Variants in RNF144A observed in about 807,000 individuals in gnomAD.
The protein encoded by RNF144A is ring finger protein 144A.
Under a neutral mutation model 38.7 loss-of-function variants are expected in RNF144A, and 11 were observed. The observed-to-expected ratio is 0.28, with a 90% CI of 0.18 to 0.47. The LOEUF is 0.47. Ranked by LOEUF, RNF144A falls within the 20% of genes least tolerant of loss-of-function variation. RNF144A has a pLI of 0.99. For synonymous variants in RNF144A, 149 were observed against 143.9 expected (o/e 1.04, Z -0.25); for missense variants, 316 against 377.2 (o/e 0.84, Z 1.34).
chr2:6,996,406 G>A (rs1483049386), intron 2 of RNF144A, among the ~76,000 whole-genome samples: 2 of 152,186 alleles, frequency 1.3e-5, no homozygotes, highest in African/African-American at 2.4e-5. Context: ...GTGTGTGGGT[G>A]AGTTGTTTGC....
chr2:7,029,807 C>T (rs1237704944), intron 7 of RNF144A, among the ~76,000 whole-genome samples: 1 of 152,194 alleles, frequency 6.6e-6, no homozygotes, highest in East Asian at 1.9e-4. Context: ...CCTTCTTTCC[C>T]ACAAGCTCAG....
chr2:7,066,330 G>A (rs541016339), intron 6 of RNF144A, among the ~76,000 whole-genome samples: 138 of 152,076 alleles, frequency 9.1e-4, no homozygotes, highest in Non-Finnish European at 1.7e-3. Context: ...CTCGTGATCT[G>A]CCCACCTCAG....
intron 6 of RNF144A, among the ~76,000 whole-genome samples, chr2:7,060,767 T>C (rs893312034): frequency 6.6e-6 from 1 of 152,222 alleles, no homozygotes; most frequent in Non-Finnish European, 1.5e-5. Flanking sequence ...CCATCTTACA[T>C]AGAGCCTTTC....
intron 1 of RNF144A, chr2:6,918,588 C>T (rs999011006): frequency 2.6e-5 from 4 of 151,072 alleles, no homozygotes; most frequent in African/African-American, 9.7e-5. Flanking sequence ...CACGGTGAAA[C>T]CCCCTCTCTA....
At chr2:7,022,813 G>A (rs531665675) in intron 6 of RNF144A, among the ~76,000 whole-genome samples, 2 of 152,190 alleles carry the variant, frequency 1.3e-5, no homozygotes, top group Non-Finnish European at 2.9e-5. Flanking sequence ...GGAGACATTT[G>A]CACATATGCT....
intron 1 of RNF144A, among the ~76,000 whole-genome samples, chr2:6,940,336 TTA>T (rs1321324866): frequency 6.6e-6 from 1 of 152,212 alleles, no homozygotes; most frequent in Non-Finnish European, 1.5e-5. Flanking sequence ...CTATTCTAAA[TTA>T]TGTTTCTTAT....
chr2:7,006,439 C>T (rs1332358576), intron 3 of RNF144A, among the ~76,000 whole-genome samples: 1 of 152,112 alleles, frequency 6.6e-6, no homozygotes, highest in Non-Finnish European at 1.5e-5. Context: ...GGTGTGTCAC[C>T]AGGACCTGTG....
intron 2 of RNF144A, among the ~76,000 whole-genome samples, chr2:6,970,122 G>A (rs1362360221): frequency 6.6e-6 from 1 of 152,186 alleles, no homozygotes; most frequent in African/African-American, 2.4e-5. Context: ...GAGCAAAAGT[G>A]AATTTCATGT....
downstream of RNF144A, among the ~76,000 whole-genome samples, chr2:7,046,021 G>T (rs1673295782): frequency 6.6e-6 from 1 of 152,240 alleles, no homozygotes; most frequent in Non-Finnish European, 1.5e-5. Context: ...TGCCAGCAAA[G>T]AGTCTTATCA....
rs889223532 is a variant in RNF144A, at chr2:6,943,887, C to T, written c.-12+2740C>T. 6.6e-6 allele frequency among the ~76,000 whole-genome samples: 1 copy of T among 152,140 alleles called. No individual in the cohort carries two copies. Among genetic ancestry groups the T allele is most frequent in the Non-Finnish European group, 1.5e-5 (1 of 68,032 alleles). On this transcript the variant is annotated intron_variant, in intron 2 of 8. Coordinates refer to ENST00000320892, the MANE Select transcript of RNF144A (RefSeq NM_014746.6). This position sits in a 1 kb window ranked among gnomAD's most constrained non-coding sequence, Gnocchi z 4.3. Reference sequence around the variant, plus strand: ...CCTCTAGAGAGATGGAGGTGCAGAGCGGTCACCTGAAGCATTCACAGCCCA... The same window carrying T: ...CCTCTAGAGAGATGGAGGTGCAGAGTGGTCACCTGAAGCATTCACAGCCCA...
chr2:6,939,055 G>T (rs1034107922), intron 1 of RNF144A, among the ~76,000 whole-genome samples: 1 of 152,022 alleles, frequency 6.6e-6, no homozygotes. Context: ...TCCTGTATAG[G>T]TTTTATTGTG....
chr2:6,939,183 C>T (rs1290567337), intron 1 of RNF144A, among the ~76,000 whole-genome samples: 1 of 152,208 alleles, frequency 6.6e-6, no homozygotes, highest in African/African-American at 2.4e-5. Flanking sequence ...GCAGCTGCAC[C>T]ACTTTACATT....
At chr2:7,029,552 T>C (rs1472067096) in intron 7 of RNF144A, among the ~76,000 whole-genome samples, 1 of 152,170 alleles carries the variant, frequency 6.6e-6, no homozygotes, top group Non-Finnish European at 1.5e-5. Flanking sequence ...GGATCTTGAA[T>C]CATGAGGAAA....
chr2:6,922,685 T>C (rs1049369258), intron 1 of RNF144A, among the ~76,000 whole-genome samples: 24 of 150,294 alleles, frequency 1.6e-4, no homozygotes, highest in African/African-American at 5.6e-4. Flanking sequence ...AGTGTAGTGG[T>C]GCAATCTCAG....
At chr2:7,058,778 ACT>A (rs1488601702) in intron 6 of RNF144A, among the ~76,000 whole-genome samples, 1 of 151,870 alleles carries the variant, frequency 6.6e-6, no homozygotes, top group Non-Finnish European at 1.5e-5. Context: ...AATCTCTTTG[ACT>A]CTATAGGTTT....
intron 3 of RNF144A, among the ~76,000 whole-genome samples, chr2:7,012,405 A>G (rs1670876132): frequency 6.6e-6 from 1 of 152,180 alleles, no homozygotes; most frequent in Admixed American, 6.5e-5. Context: ...TTTATTGTCA[A>G]GTGCAGGGAG....
intron 5 of RNF144A, among the ~76,000 whole-genome samples, chr2:7,019,275 C>A (rs1558436879): frequency 6.6e-6 from 1 of 152,208 alleles, no homozygotes; most frequent in Non-Finnish European, 1.5e-5. Context: ...TGTGCACCGT[C>A]AGGACACCCA....
rs1455417617 is a variant in RNF144A, at chr2:7,030,008, C to T, written c.658-118C>T. ...GGATGCGTGCCCTTCCCTGTGTCACCTCCCTCATGTCTCCACTTATCATGA... is the reference window on the plus strand; with the variant it reads ...GGATGCGTGCCCTTCCCTGTGTCACTTCCCTCATGTCTCCACTTATCATGA... On this transcript the variant is annotated intron_variant, in intron 7 of 8. Coordinates refer to ENST00000320892, the MANE Select transcript of RNF144A (RefSeq NM_014746.6). 9.4e-6 allele frequency: 7 copies of T among 747,150 alleles called. No homozygotes were observed. The East Asian group carries it at 1.3e-4, about 14-fold the overall frequency. The allele number at this position is 747,150 out of a possible 1,614,324, so 46.3% of individuals were successfully genotyped here. A position where few individuals can be genotyped will look rare whatever the true frequency, so the allele number is the denominator to read the frequency against.
chr2:6,984,160 G>A (rs1364951276), intron 2 of RNF144A, among the ~76,000 whole-genome samples: 1 of 152,152 alleles, frequency 6.6e-6, no homozygotes, highest in Non-Finnish European at 1.5e-5. Context: ...TTCACAAGCT[G>A]TGTATCTTAC....
Sources: allele counts gnomAD v4.1 joint callset (sites outside exome capture counted in the v4.1 genomes callset), GRCh38; gene constraint gnomAD v4.1.1; non-coding constraint Gnocchi (gnomAD v3.1); transcripts MANE v1.5; gene names NCBI Gene and HGNC (gene_info 2026-07-23, HGNC 2026-07-21).